The following KIF1A variants were observed in gnomAD, a reference collection of about 807,000 sequenced individuals.
The protein encoded by KIF1A is kinesin family member 1A, also known as kinesin-like protein KIF1A.
In KIF1A, 46 loss-of-function variants were observed where a neutral mutation model predicts 227.3. That is an observed-to-expected ratio of 0.20 (90% CI 0.16 to 0.26). The LOEUF is 0.26. KIF1A is among the 10% of genes least tolerant of loss of function. The pLI is 1.00. For missense variants in KIF1A, 1,683 were observed against 2,485.9 expected (o/e 0.68, Z 6.87); for synonymous variants, 1,022 against 1,012.8 (o/e 1.01, Z -0.17).
At position 240,720,602 on chromosome 2, in the gene KIF1A, T is replaced by C. The variant is rs2045229661; in HGVS notation, c.4868+312A>G. The C allele has an allele frequency of 1.3e-5, 3 of 227,332 alleles. No individual in the cohort carries two copies. In the South Asian group the frequency reaches 3.2e-4, roughly 25 times the overall value. 14.1% of individuals were successfully genotyped at this position (227,332 alleles called of 1,614,324 possible). On this transcript the variant is annotated intron_variant, in intron 45 of 48. Coordinates refer to ENST00000498729, the MANE Select transcript of KIF1A (RefSeq NM_001244008.2). ...CTAACGGCTCTCATGCCCTCTTTCG[T>C]AACCTTTTCTTTTTCCATTATTTTA...
intron 25 of KIF1A, among the ~76,000 whole-genome samples, chr2:240,759,849 A>C (rs549394413): frequency 2.1e-4 from 32 of 152,058 alleles, no homozygotes; most frequent in Non-Finnish European, 4.1e-4. Context: ...TCTACCACAA[A>C]AAAAATTCAA....
At chr2:240,818,316 T>C (rs2058472364) in intron 1 of KIF1A, among the ~76,000 whole-genome samples, 1 of 152,170 alleles carries the variant, frequency 6.6e-6, no homozygotes, top group Non-Finnish European at 1.5e-5. Context: ...GGGTAAAGGC[T>C]GCCCTCCTCC....
chr2:240,788,041 C>CCCCTCCGG lies in KIF1A; in HGVS notation c.363+9_363+10insCCGGAGGG. The CCCCTCCGG allele has an allele frequency of 1.3e-6, 2 of 1,520,674 alleles. No homozygotes were observed. Among genetic ancestry groups the CCCCTCCGG allele is most frequent in the Non-Finnish European group, 1.8e-6 (2 of 1,121,306 alleles). 94.2% of individuals were successfully genotyped at this position (1,520,674 alleles called of 1,614,324 possible). On this transcript the variant is annotated intron_variant, in intron 4 of 48. Transcript: ENST00000498729. The surrounding 1 kb of genome is among the most constrained non-coding windows in gnomAD (Gnocchi z 6.6). Reference sequence around the variant, plus strand: ...GCCAGGGCTGCCCCCGCCCGCCCCCCGCTTCGTGCCTGTGGGATGATGCCC... The same window carrying CCCCTCCGG: ...GCCAGGGCTGCCCCCGCCCGCCCCCCCCCTCCGGGCTTCGTGCCTGTGGGATGATGCCC...
Position 240,740,505 on chromosome 2 carries a change from A to T in KIF1A, c.3750-141T>A, listed in dbSNP as rs925639991. ...GAAGATCAGGTGGTCTGATCCATGG[A>T]GACCACGGTCAGCTGAGCACAGAAA... is the stretch of plus-strand genomic sequence containing the variant. On this transcript the variant is annotated intron_variant, in intron 35 of 48. Coordinates refer to ENST00000498729, the MANE Select transcript of KIF1A (RefSeq NM_001244008.2). This position sits in a 1 kb window ranked among gnomAD's most constrained non-coding sequence, Gnocchi z 6.1. 3 of 698,404 alleles carry T rather than the reference A, an allele frequency of 4.3e-6. No homozygotes were observed. The East Asian group carries it at 8.1e-5, about 19-fold the overall frequency. The allele number at this position is 698,404 out of a possible 1,614,324, so 43.3% of individuals were successfully genotyped here. A position where few individuals can be genotyped will look rare whatever the true frequency, so the allele number is the denominator to read the frequency against.
At position 240,758,420 on chromosome 2, in the gene KIF1A, T is replaced by A. The variant is rs754527994; in HGVS notation, c.2522A>T (p.Asn841Ile). Reference protein sequence around the residue: ...VPSSVIEDCDNVVTGGDPFYD... With the variant: ...VPSSVIEDCDIVVTGGDPFYD... ...GAAGGGGTCTCCGCCGGTCACCACG[T>A]TGTCACAGTCCTCGATGACACTGGA... Residue 841 changes from asparagine to isoleucine, a missense_variant, in exon 26 of 49, where the codon AAC (asparagine) becomes ATC (isoleucine). Physicochemically the swap from Asn to Ile is moderately radical, Grantham distance 149. Around this residue, in one of 12 missense-constraint regions of KIF1A, gnomAD observed 759 missense variants for 1,020.2 expected, o/e 0.74. Transcript: ENST00000498729. This position sits in a 1 kb window ranked among gnomAD's most constrained non-coding sequence, Gnocchi z 5.2. 1.2e-6 allele frequency: 2 copies of A among 1,613,042 alleles called. No individual in the cohort carries two copies. The highest frequency in any genetic ancestry group is 1.7e-6 in the Non-Finnish European group (2 of 1,179,422).
Position 240,714,735 on chromosome 2 carries a change from A to C in KIF1A, c.*2629T>G, listed in dbSNP as rs1164581998. ...TTCAAGAAGCCAGGTGTCCTGACTC[A>C]GGCGGCCTCCTCTCACCATCAACTC... On this transcript the variant is annotated 3_prime_UTR_variant, in exon 49 of 49. Transcript: ENST00000498729. 6.6e-6 allele frequency: 1 copy of C among 152,236 alleles called. No homozygotes were observed. The highest frequency in any genetic ancestry group is 1.5e-5 in the Non-Finnish European group (1 of 68,098). 9.4% of individuals were successfully genotyped at this position (152,236 alleles called of 1,614,324 possible).
rs534290106 is a variant in KIF1A at position 240,792,956 on chromosome 2, A to G, written c.107-3644T>C. 2.0e-5 allele frequency among the ~76,000 whole-genome samples: 3 copies of G among 152,324 alleles called. No individual in the cohort carries two copies. The highest frequency in any genetic ancestry group is 2.9e-5 in the Non-Finnish European group (2 of 68,022). On this transcript the variant is annotated intron_variant, in intron 2 of 48. Coordinates refer to ENST00000498729, the MANE Select transcript of KIF1A (RefSeq NM_001244008.2). The surrounding 1 kb of genome is among the most constrained non-coding windows in gnomAD (Gnocchi z 4.5). ...GACTTCCGCCTCCAGACTGCGGAGA[A>G]GGGAACATATGCTGTTTAAGACGCC...
intron 17 of KIF1A, among the ~76,000 whole-genome samples, chr2:240,768,332 G>A (rs976066233): frequency 2.6e-5 from 4 of 152,310 alleles, no homozygotes; most frequent in South Asian, 2.1e-4. Flanking sequence ...TGCCTGTCCC[G>A]GCCCTGCCTG....
intron 20 of KIF1A, among the ~76,000 whole-genome samples, chr2:240,765,477 C>T (rs1013407279): frequency 3.3e-5 from 5 of 152,252 alleles, no homozygotes; most frequent in Non-Finnish European, 7.3e-5. Flanking sequence ...CTCAGTGTCT[C>T]GGGGCCCCTG....
chr2:240,743,086 TC>T (rs2048183098), intron 33 of KIF1A, 102 bp from the exon 34 acceptor site: 3 of 844,140 alleles, frequency 3.6e-6, no homozygotes, highest in Non-Finnish European at 5.2e-6. Context: ...TCCCGGCCCC[TC>T]CCACCCTCTC....
intron 2 of KIF1A, 54 bp downstream of exon 2, chr2:240,797,593 C>G: frequency 1.6e-6 from 2 of 1,278,220 alleles, no homozygotes; most frequent in East Asian, 4.8e-5. Context: ...GGCACAGGAC[C>G]ATGGCCCCCA....
chr2:240,735,215 C>A (rs1364173914), intron 38 of KIF1A, among the ~76,000 whole-genome samples: 1 of 152,210 alleles, frequency 6.6e-6, no homozygotes, highest in Non-Finnish European at 1.5e-5. Context: ...GCCCACGCAA[C>A]GCGCCTTCCT....
rs2055229458 is a variant in KIF1A at position 240,788,527 on chromosome 2, T to C, written c.184-297A>G. On this transcript the variant is annotated intron_variant, in intron 3 of 48. Coordinates refer to ENST00000498729, the MANE Select transcript of KIF1A (RefSeq NM_001244008.2). The surrounding 1 kb of genome is among the most constrained non-coding windows in gnomAD (Gnocchi z 6.6). ...GTGAGACCTCAAAGCCAAAGTAAGTTCCATGTGACCGTGACAAGCAGGGGT... is the reference window on the plus strand; with the variant it reads ...GTGAGACCTCAAAGCCAAAGTAAGTCCCATGTGACCGTGACAAGCAGGGGT... Among the ~76,000 whole-genome samples the C allele has an allele frequency of 6.6e-6, 1 of 151,956 alleles. No individual in the cohort carries two copies. The highest frequency in any genetic ancestry group is 2.4e-5 in the African/African-American group (1 of 41,334).
At chr2:240,774,131 TC>T in intron 12 of KIF1A, 51 bp downstream of exon 12, 2 of 1,198,132 alleles carry the variant, frequency 1.7e-6, no homozygotes, top group Non-Finnish European at 2.4e-6. Flanking sequence ...AGAGGATCCA[TC>T]CCCCAAGACC....
chr2:240,743,685 G>A (rs142287878), intron 33 of KIF1A, among the ~76,000 whole-genome samples: 1 of 152,172 alleles, frequency 6.6e-6, no homozygotes, highest in Non-Finnish European at 1.5e-5. Context: ...CCTGCACACT[G>A]CCCAGGCCAG....
At chr2:240,748,028 A>C (rs141906882) in intron 28 of KIF1A, among the ~76,000 whole-genome samples, 1 of 152,196 alleles carries the variant, frequency 6.6e-6, no homozygotes, top group Non-Finnish European at 1.5e-5. Context: ...CTTCTCCACC[A>C]CCACAGCCAT....
At position 240,766,120 on chromosome 2, in the gene KIF1A, T is replaced by C. The variant is rs2051137241; in HGVS notation, c.1685-327A>G. ...GATAAAAACACCAGCTAATGGGGCC[T>C]GGGCCGTCCCACAGGAGAGGGTAGG... On this transcript the variant is annotated intron_variant, in intron 19 of 48. Transcript: ENST00000498729. The surrounding 1 kb of genome is among the most constrained non-coding windows in gnomAD (Gnocchi z 5.0). 6.6e-6 allele frequency among the ~76,000 whole-genome samples: 1 copy of C among 152,232 alleles called. No homozygotes were observed.
Position 240,740,064 on chromosome 2 carries a change from C to A in KIF1A, c.3895G>T (p.Val1299Phe), listed in dbSNP as rs1280798532. ...GCCCCCACACCGCACTCACCCACGA[C>A]CAGCTCGCGCACTTCCTTCCAGCGG... is the stretch of plus-strand genomic sequence containing the variant. ...HIRWKEVREL[V>F]VGRIRNTPET... is the part of the protein sequence containing the mutation. Residue 1299 changes from valine to phenylalanine, a missense_variant, in exon 37 of 49, where the codon GTC becomes TTC. Around this residue, in one of 12 missense-constraint regions of KIF1A, gnomAD observed 759 missense variants for 1,020.2 expected, o/e 0.74. Coordinates refer to ENST00000498729, the MANE Select transcript of KIF1A (RefSeq NM_001244008.2). The surrounding 1 kb of genome is among the most constrained non-coding windows in gnomAD (Gnocchi z 6.1). 12 of 1,583,134 alleles carry A rather than the reference C, an allele frequency of 7.6e-6. No individual in the cohort carries two copies.
rs1220765642 is a variant in KIF1A, at chr2:240,740,753, G to C, written c.3750-389C>G. 1.3e-5 allele frequency among the ~76,000 whole-genome samples: 2 copies of C among 151,872 alleles called. No homozygotes were observed. The highest frequency in any genetic ancestry group is 6.6e-5 in the Admixed American group (1 of 15,254). ...GGGCTCGTCTTCTCCAACATCTAAG[G>C]CTCCTGTCCCACTCTGGGCAAGGAT... On this transcript the variant is annotated intron_variant, in intron 35 of 48. Coordinates refer to ENST00000498729, the MANE Select transcript of KIF1A (RefSeq NM_001244008.2). This position sits in a 1 kb window ranked among gnomAD's most constrained non-coding sequence, Gnocchi z 6.1.
Sources: allele counts gnomAD v4.1 joint callset (sites outside exome capture counted in the v4.1 genomes callset), GRCh38; gene constraint gnomAD v4.1.1; regional missense constraint gnomAD v4.1.1; non-coding constraint Gnocchi (gnomAD v3.1); transcripts MANE v1.5; gene names NCBI Gene and HGNC (gene_info 2026-07-23, HGNC 2026-07-21).